RDH12: variants seen among roughly 807,000 people sequenced by gnomAD.
The protein encoded by RDH12 is retinol dehydrogenase 12, also known as all-trans and 9-cis retinol dehydrogenase.
RDH12 carries 21 observed loss-of-function variants against 34.0 expected under a neutral mutation model. That is an observed-to-expected ratio of 0.62 (90% CI 0.44 to 0.89). The LOEUF (loss-of-function observed/expected upper bound fraction) is 0.89, where lower values mean the gene tolerates loss of function less well. RDH12 is among the 40% of genes least tolerant of loss of function. The pLI, the probability that RDH12 is intolerant of heterozygous loss-of-function variation, is 0.00. For missense variants in RDH12, 394 were observed against 398.6 expected, an observed-to-expected ratio of 0.99 and a Z score of 0.10; for synonymous variants, 198 against 169.9, an observed-to-expected ratio of 1.17 and a Z score of -1.29.
At chr14:67,709,948 T>C (rs2037992214) in intron 1 of RDH12, among the ~76,000 whole-genome samples, 1 of 152,214 alleles carries the variant, frequency 6.6e-6, no homozygotes, top group African/African-American at 2.4e-5. Flanking sequence ...CTCACTGAGA[T>C]AGATACATAT....
At chr14:67,729,415 G>T (rs2038237896) in intron 8 of RDH12, 35 bp downstream of exon 8, 1 of 1,581,918 alleles carries the variant, frequency 6.3e-7, no homozygotes, top group South Asian at 1.1e-5. Context: ...TCCACCACCT[G>T]TGTGCATGGG....
At chr14:67,718,370 C>G (rs1195136941) in intron 1 of RDH12, among the ~76,000 whole-genome samples, 2 of 152,182 alleles carry the variant, frequency 1.3e-5, no homozygotes, top group Non-Finnish European at 1.5e-5. Context: ...GTAAGAGGCT[C>G]CATTCTTAGT....
intron 1 of RDH12, among the ~76,000 whole-genome samples, chr14:67,704,695 C>T (rs992365707): frequency 7.2e-5 from 11 of 152,160 alleles, no homozygotes; most frequent in Non-Finnish European, 2.9e-5. Context: ...AAGGAAAGGT[C>T]TCACCCCAAA....
chr14:67,731,202 T>A (rs1001905887), intron 8 of RDH12, among the ~76,000 whole-genome samples: 5 of 141,362 alleles, frequency 3.5e-5, no homozygotes, highest in African/African-American at 1.3e-4. Context: ...CATATTTCTT[T>A]CTTTCTTTTT....
In RDH12 at chr14:67,724,470, T is replaced by C. The variant is rs757508966; in HGVS notation, c.69-3T>C. 2 of 1,591,356 alleles carry C rather than the reference T, an allele frequency of 1.3e-6. No individual in the cohort carries two copies. Among genetic ancestry groups the C allele is most frequent in the Admixed American group, 1.7e-5 (1 of 59,414 alleles). On this transcript the variant is annotated splice_region_variant and splice_polypyrimidine_tract_variant and intron_variant, in intron 3 of 8. Coordinates refer to ENST00000551171, the MANE Select transcript of RDH12 (RefSeq NM_152443.3). ...GTGATGCTCTTGTTTCCCTTGCCGATAGGAAGTTCTTTGCTGGTGGAGTGT... is the reference window on the plus strand; with the variant it reads ...GTGATGCTCTTGTTTCCCTTGCCGACAGGAAGTTCTTTGCTGGTGGAGTGT...
chr14:67,733,622 G>C (rs758764802), intron 8 of RDH12, 124 bp from the exon 9 acceptor site: 71 of 667,528 alleles, frequency 1.1e-4, no homozygotes, highest in Non-Finnish European at 1.7e-4. Flanking sequence ...TGTATAATTA[G>C]TTTCTTTGAG....
In RDH12 at chr14:67,725,125, G is replaced by A. The variant is rs968375855; in HGVS notation, c.214G>A (p.Asp72Asn). The A allele has an allele frequency of 1.9e-6, 3 of 1,614,190 alleles. No homozygotes were observed. The highest frequency in any genetic ancestry group is 2.5e-6 in the Non-Finnish European group (3 of 1,180,030). Residue 72 changes from aspartate to asparagine, a missense_variant, in exon 5 of 9, where the codon GAT (aspartate) becomes AAT (asparagine). Asp to Asn is a conservative substitution (Grantham distance 23). Transcript: ENST00000551171. ...AGCCCGAGTCTATATTGCCTGCAGAGATGTACTGAAGGGGGAGTCTGCTGC... is the reference window on the plus strand; with the variant it reads ...AGCCCGAGTCTATATTGCCTGCAGAAATGTACTGAAGGGGGAGTCTGCTGC... The part of the protein sequence containing the change: ...RGARVYIACR[D>N]VLKGESAASE...
intron 8 of RDH12, among the ~76,000 whole-genome samples, chr14:67,733,025 G>T (rs2038304555): frequency 6.6e-6 from 1 of 152,094 alleles, no homozygotes; most frequent in Non-Finnish European, 1.5e-5. Flanking sequence ...AATGCTAAAT[G>T]ACGAGTTCAT....
rs753074829 is a variant in RDH12, at chr14:67,727,114, C to G, written c.582C>G (p.Tyr194Ter). The change falls in exon 7 of 9, where the codon TAC becomes TAG. Residue 194 changes from tyrosine to a stop codon, truncating the protein, a stop_gained. Transcript: ENST00000551171. LOFTEE classifies it high-confidence loss of function. The part of the protein sequence containing the change: ...PFHDLQSEKR[Y>*]SRGFAYCHSK... ...ACGACCTCCAGAGCGAGAAGCGCTA[C>G]AGCAGGGGTTTTGCCTATTGCCACA... The G allele has an allele frequency of 2.0e-5, 32 of 1,614,218 alleles. No homozygotes were observed. Among genetic ancestry groups the G allele is most frequent in the Non-Finnish European group, 2.5e-5 (29 of 1,180,048 alleles).
In RDH12 at chr14:67,722,486, T is replaced by C; in HGVS notation, c.-157T>C. 3.9e-6 allele frequency: 3 copies of C among 761,986 alleles called. No homozygotes were observed. The highest frequency in any genetic ancestry group is 3.6e-4 in the Middle Eastern group (1 of 2,754). 47.2% of individuals were successfully genotyped at this position (761,986 alleles called of 1,614,324 possible). On this transcript the variant is annotated 5_prime_UTR_variant, in exon 3 of 9. Transcript: ENST00000551171. ...TGGATTTAAATAGGATTCTGGGCTC[T>C]GCTCAGAGTCAGGCTGCTGCTCAGC...
chr14:67,728,299 T>C (rs2038216115), intron 7 of RDH12: 2 of 152,270 alleles, frequency 1.3e-5, no homozygotes, highest in South Asian at 4.1e-4. Flanking sequence ...GTGTGCCATG[T>C]ACTACACATC....
intron 1 of RDH12, among the ~76,000 whole-genome samples, chr14:67,708,832 C>T (rs1027196377): frequency 1.3e-4 from 18 of 142,094 alleles, no homozygotes; most frequent in Admixed American, 5.1e-4. Context: ...CTCATTCTGT[C>T]GCCAAGCTGG....
rs777417667 is a variant in RDH12 at position 67,729,195 on chromosome 14, C to T, written c.663C>T (p.Thr221=). Residue 221 remains threonine, a synonymous_variant, in exon 8 of 9, where the codon ACC becomes ACT. Transcript: ENST00000551171. ...ATTGTGCCCTCTTTGTCCCAGGCAC[C>T]GGGGTCACCACCTACGCAGTGCACC... The part of the protein sequence containing the change: ...TRELAKRLQG[T]GVTTYAVHPG... The T allele has an allele frequency of 1.9e-6, 3 of 1,612,638 alleles. No homozygotes were observed. Among genetic ancestry groups the T allele is most frequent in the African/African-American group, 2.7e-5 (2 of 74,884 alleles).
In RDH12 at chr14:67,733,858, G is replaced by C; in HGVS notation, c.*10G>C. 2 of 1,592,694 alleles carry C rather than the reference G, an allele frequency of 1.3e-6. No homozygotes were observed. The highest frequency in any genetic ancestry group is 1.7e-6 in the Non-Finnish European group (2 of 1,161,344). Reference sequence around the variant, plus strand: ...AATCCGGTGGGAGTAGCTGGTGGAAGAGCTGCAGCTTTATCAGGCCCAATC... The same window carrying C: ...AATCCGGTGGGAGTAGCTGGTGGAACAGCTGCAGCTTTATCAGGCCCAATC... On this transcript the variant is annotated 3_prime_UTR_variant, in exon 9 of 9. Coordinates refer to ENST00000551171, the MANE Select transcript of RDH12 (RefSeq NM_152443.3).
At chr14:67,725,027 C>T in intron 4 of RDH12, 72 bp from the exon 5 acceptor site, 2 of 1,546,248 alleles carry the variant, frequency 1.3e-6, no homozygotes, top group Non-Finnish European at 1.8e-6. Context: ...CCCCCAGTCC[C>T]AAGCTCACTT....
At chr14:67,702,412 A>G (rs1348707518) in intron 1 of RDH12, among the ~76,000 whole-genome samples, 1 of 152,202 alleles carries the variant, frequency 6.6e-6, no homozygotes, top group Admixed American at 6.5e-5. Flanking sequence ...TCTTAAACCA[A>G]CAATATTAAA....
chr14:67,727,199 G>A lies in RDH12; in HGVS notation c.658+9G>A. ...GGCCAAGAGGCTCCAAGGTAAGTCT[G>A]GAGAAAGAGGAATAGCAAAAATGGT... is the stretch of plus-strand genomic sequence containing the variant. On this transcript the variant is annotated intron_variant, in intron 7 of 8. Coordinates refer to ENST00000551171, the MANE Select transcript of RDH12 (RefSeq NM_152443.3). 6.2e-7 allele frequency: 1 copy of A among 1,605,534 alleles called. No homozygotes were observed. Among genetic ancestry groups the A allele is most frequent in the Non-Finnish European group, 8.5e-7 (1 of 1,176,048 alleles).
At chr14:67,710,098 C>G (rs893343591) in intron 1 of RDH12, among the ~76,000 whole-genome samples, 21 of 152,202 alleles carry the variant, frequency 1.4e-4, no homozygotes, top group African/African-American at 5.1e-4. Flanking sequence ...CCTTTCCAGA[C>G]TGAACCAATG....
intron 1 of RDH12, among the ~76,000 whole-genome samples, chr14:67,714,277 A>AG (rs939704433): frequency 5.3e-5 from 8 of 152,022 alleles, no homozygotes; most frequent in African/African-American, 1.9e-4. Flanking sequence ...CAGGGACTGT[A>AG]GGAGTGCACT....
Sources: gnomAD v4.1 joint callset for allele counts (sites outside exome capture counted in the v4.1 genomes callset) on GRCh38, gnomAD v4.1.1 for gene constraint, MANE v1.5 for transcripts, NCBI Gene and HGNC (gene_info 2026-07-23, HGNC 2026-07-21) for gene names.